Variants in DOCK8 observed in about 807,000 individuals in gnomAD.
DOCK8 encodes the protein dedicator of cytokinesis 8, also known as dedicator of cytokinesis protein 8.
In DOCK8, 141 loss-of-function variants were observed where a neutral mutation model predicts 245.6. The observed-to-expected ratio is 0.57, with a 90% CI of 0.50 to 0.66. The LOEUF (loss-of-function observed/expected upper bound fraction) is 0.66, where lower values mean the gene tolerates loss of function less well. Among genes scored for constraint, DOCK8 ranks in the 30% least tolerant of loss-of-function variants. The probability of loss-of-function intolerance (pLI) is 0.00; values close to 1 mark genes in which losing one functional copy is unlikely to be tolerated. For missense variants in DOCK8, 2,965 were observed against 2,603.4 expected (o/e 1.14, Z -3.02); for synonymous variants, 1,168 against 970.2 (o/e 1.20, Z -3.79).
intron 23 of DOCK8, among the ~76,000 whole-genome samples, chr9:387,353 G>C (rs868325635): frequency 6.6e-6 from 1 of 151,036 alleles, no homozygotes; most frequent in African/African-American, 2.4e-5. Context: ...TGAGGCAGGA[G>C]AATCACTTGA....
chr9:399,681 TA>T (rs1463830046), intron 26 of DOCK8, among the ~76,000 whole-genome samples: 1 of 151,948 alleles, frequency 6.6e-6, no homozygotes, highest in Non-Finnish European at 1.5e-5. Context: ...AGAACCTTTT[TA>T]AAGTGTTCTT....
At chr9:378,612 G>A (rs1315351819) in intron 20 of DOCK8, among the ~76,000 whole-genome samples, 1 of 152,160 alleles carries the variant, frequency 6.6e-6, no homozygotes, top group Non-Finnish European at 1.5e-5. Flanking sequence ...CTGTGCCCCC[G>A]CATATGTGGC....
In DOCK8 at chr9:283,871, T is replaced by TCATTTTGTATATGTATATTACATATA. The variant is rs2048700486; in HGVS notation, c.157-2575_157-2574insTATTACATATACATTTTGTATATGTA. 2.6e-5 allele frequency among the ~76,000 whole-genome samples: 4 copies of TCATTTTGTATATGTATATTACATATA among 152,226 alleles called. No individual in the cohort carries two copies. The South Asian group carries it at 8.3e-4, about 31-fold the overall frequency. ...ATTTGGGTTCCATCCCGTGGATGTC[T>TCATTTTGTATATGTATATTACATATA]CATTTTGTATATGTAAATATGACAT... On this transcript the variant is annotated intron_variant, in intron 2 of 47. Coordinates refer to ENST00000432829, the MANE Select transcript of DOCK8 (RefSeq NM_203447.4).
chr9:340,904 G>A (rs775897940), intron 14 of DOCK8, among the ~76,000 whole-genome samples: 10 of 152,146 alleles, frequency 6.6e-5, no homozygotes, highest in Non-Finnish European at 1.0e-4. Flanking sequence ...AAATCTGCTA[G>A]CCATTACCTT....
chr9:408,548 C>T (rs79590986), intron 28 of DOCK8, among the ~76,000 whole-genome samples: 82 of 152,200 alleles, frequency 5.4e-4, no homozygotes, highest in African/African-American at 1.5e-3. Flanking sequence ...AAAAGTGCAC[C>T]GAACACTTAT....
At chr9:278,856 G>A (rs889741960) in intron 2 of DOCK8, among the ~76,000 whole-genome samples, 11 of 152,176 alleles carry the variant, frequency 7.2e-5, no homozygotes, top group Admixed American at 4.6e-4. Context: ...TAGAACATTG[G>A]CTCCTACTCT....
chr9:411,413 C>T (rs907198018), intron 28 of DOCK8, among the ~76,000 whole-genome samples: 5 of 126,942 alleles, frequency 3.9e-5, no homozygotes, highest in African/African-American at 1.5e-4. Context: ...AACTCCATCA[C>T]AAATAATAAT....
intron 3 of DOCK8, among the ~76,000 whole-genome samples, chr9:288,497 A>C (rs1400192208): frequency 6.6e-6 from 1 of 152,260 alleles, no homozygotes; most frequent in Non-Finnish European, 1.5e-5. Flanking sequence ...GAATTAATAC[A>C]TATAAAGTGA....
chr9:413,402 A>G (rs556847029), intron 28 of DOCK8, among the ~76,000 whole-genome samples: 2 of 150,960 alleles, frequency 1.3e-5, no homozygotes, highest in South Asian at 4.2e-4. Context: ...AAAAAAATAG[A>G]TAACTGGACT....
At chr9:401,061 TTGTCA>T (rs2055066352) in intron 26 of DOCK8, among the ~76,000 whole-genome samples, 1 of 66,454 alleles carries the variant, frequency 1.5e-5, no homozygotes, top group South Asian at 6.6e-4. Context: ...ACCATCATCA[TTGTCA>T]CCATCATCAC....
chr9:447,643 C>T (rs1392167596), intron 44 of DOCK8, among the ~76,000 whole-genome samples: 1 of 152,062 alleles, frequency 6.6e-6, no homozygotes, highest in African/African-American at 2.4e-5. Context: ...TCTTTCCACA[C>T]CCATGGTTCA....
At chr9:453,731 T>G (rs1301881724) in intron 46 of DOCK8, among the ~76,000 whole-genome samples, 1 of 152,128 alleles carries the variant, frequency 6.6e-6, no homozygotes, top group Non-Finnish European at 1.5e-5. Flanking sequence ...CCGGCCCTAT[T>G]TTTTATTTTT....
At chr9:463,773 T>C (rs989181294) in intron 47 of DOCK8, 86 bp downstream of exon 47, 2 of 1,514,968 alleles carry the variant, frequency 1.3e-6, no homozygotes, top group African/African-American at 1.4e-5. Context: ...TCTGCTGCAC[T>C]TGGGGAGCTG....
chr9:283,483 T>C (rs953102985), intron 2 of DOCK8, among the ~76,000 whole-genome samples: 4 of 152,212 alleles, frequency 2.6e-5, no homozygotes, highest in African/African-American at 7.2e-5. Flanking sequence ...TCTGGACTTT[T>C]AGTGTCTCCA....
At chr9:353,862 T>C (rs1486121607) in intron 14 of DOCK8, among the ~76,000 whole-genome samples, 1 of 152,190 alleles carries the variant, frequency 6.6e-6, no homozygotes, top group Non-Finnish European at 1.5e-5. Flanking sequence ...CTAGGTACTT[T>C]TTAGCATTCT....
At chr9:323,246 C>T (rs1267809250) in intron 7 of DOCK8, among the ~76,000 whole-genome samples, 1 of 97,120 alleles carries the variant, frequency 1.0e-5, no homozygotes, top group African/African-American at 4.1e-5. Context: ...TTTTTTGAGA[C>T]AGAGTCTCAC....
chr9:313,302 C>G (rs1438121340), intron 6 of DOCK8, among the ~76,000 whole-genome samples: 3 of 152,166 alleles, frequency 2.0e-5, no homozygotes, highest in African/African-American at 7.2e-5. Context: ...AGAGATTGTG[C>G]TCATTTTGTA....
intron 6 of DOCK8, among the ~76,000 whole-genome samples, chr9:315,377 A>G: frequency 6.6e-6 from 1 of 152,214 alleles, no homozygotes; most frequent in East Asian, 1.9e-4. Context: ...GGAAATTCAT[A>G]TAGCTTAGAA....
chr9:377,307 T>C, intron 20 of DOCK8, 96 bp downstream of exon 20: 2 of 1,240,656 alleles, frequency 1.6e-6, no homozygotes, highest in Non-Finnish European at 2.2e-6. Flanking sequence ...AGAGACAATG[T>C]GATCTTCCTT....
Sources: allele counts gnomAD v4.1 joint callset (sites outside exome capture counted in the v4.1 genomes callset), GRCh38; gene constraint gnomAD v4.1.1; transcripts MANE v1.5; gene names NCBI Gene and HGNC (gene_info 2026-07-23, HGNC 2026-07-21).